PTPRT: variants seen among roughly 807,000 people sequenced by gnomAD.
PTPRT encodes the protein protein tyrosine phosphatase receptor type T, also known as receptor-type tyrosine-protein phosphatase T.
Under a neutral mutation model 176.8 loss-of-function variants are expected in PTPRT, and 56 were observed. The ratio of observed to expected loss-of-function variants is 0.32; its 90% CI spans 0.26 to 0.40. The LOEUF is 0.40. PTPRT is among the 10% of genes least tolerant of loss of function. The probability of loss-of-function intolerance (pLI) is 1.00; values close to 1 mark genes in which losing one functional copy is unlikely to be tolerated. For synonymous variants in PTPRT, 783 were observed against 739.0 expected (o/e 1.06, Z -0.96); for missense variants, 1,540 against 1,908.2 (o/e 0.81, Z 3.60).
At chr20:43,132,574 A>C (rs1002163794) in intron 1 of PTPRT, among the ~76,000 whole-genome samples, 3 of 152,212 alleles carry the variant, frequency 2.0e-5, no homozygotes, top group Non-Finnish European at 4.4e-5. Flanking sequence ...ATATGACTCC[A>C]AAGTTCATCT....
intron 9 of PTPRT, among the ~76,000 whole-genome samples, chr20:42,431,314 C>T (rs1265153238): frequency 3.9e-5 from 6 of 152,060 alleles, no homozygotes; most frequent in Non-Finnish European, 5.9e-5. Flanking sequence ...TTCTTTCCAC[C>T]ATGATGCAAT....
rs529182066 is a variant in PTPRT at position 42,541,927 on chromosome 20, T to C, written c.1154-69365A>G. On this transcript the variant is annotated intron_variant, in intron 7 of 30. Coordinates refer to ENST00000373187, the MANE Select transcript of PTPRT (RefSeq NM_007050.6). ...GCTGTGTCCCCACCCAAATCTCCTC[T>C]TGAATTATAGCTCCCATAATCCCCA... 2.6e-4 allele frequency among the ~76,000 whole-genome samples: 40 copies of C among 152,210 alleles called. 1 individual carries two copies. The South Asian group carries it at 7.5e-3, about 28-fold the overall frequency.
At chr20:43,169,702 A>C (rs2014948037) in intron 1 of PTPRT, among the ~76,000 whole-genome samples, 1 of 151,914 alleles carries the variant, frequency 6.6e-6, no homozygotes, top group Admixed American at 6.5e-5. Context: ...ACCGTAAACC[A>C]ATATCCCTCC....
chr20:42,385,458 G>A (rs1210619165), intron 9 of PTPRT, among the ~76,000 whole-genome samples: 1 of 152,138 alleles, frequency 6.6e-6, no homozygotes, highest in African/African-American at 2.4e-5. Context: ...TGGGTAGAGG[G>A]AGGACATGAT....
At chr20:43,061,087 A>G (rs76442581) in intron 1 of PTPRT, among the ~76,000 whole-genome samples, 5 of 149,914 alleles carry the variant, frequency 3.3e-5, no homozygotes, top group Admixed American at 2.0e-4. Context: ...CGGATAAATG[A>G]ATGGATGGAT....
At chr20:42,110,141 G>A (rs898559682) in intron 23 of PTPRT, among the ~76,000 whole-genome samples, 192 bp downstream of exon 23, 2 of 151,698 alleles carry the variant, frequency 1.3e-5, no homozygotes, top group Admixed American at 6.6e-5. Flanking sequence ...CCCGCTCCTG[G>A]GTTCAAGCGA....
At chr20:42,168,607 A>G (rs1265248114) in intron 16 of PTPRT, among the ~76,000 whole-genome samples, 1 of 152,236 alleles carries the variant, frequency 6.6e-6, no homozygotes, top group Admixed American at 6.5e-5. Context: ...GAAGATATAT[A>G]TTTCAACTGC....
chr20:42,446,871 T>A (rs966249254), intron 9 of PTPRT, among the ~76,000 whole-genome samples: 1 of 152,214 alleles, frequency 6.6e-6, no homozygotes, highest in South Asian at 2.1e-4. Flanking sequence ...CCTCCTTCCA[T>A]CTGGTAATCC....
At chr20:42,326,723 T>C (rs1003142972) in intron 11 of PTPRT, among the ~76,000 whole-genome samples, 2 of 152,116 alleles carry the variant, frequency 1.3e-5, no homozygotes, top group East Asian at 1.9e-4. Context: ...TGTGCTGAAC[T>C]GAAGATGAAT....
chr20:42,277,914 A>G (rs2057069769), intron 13 of PTPRT, among the ~76,000 whole-genome samples: 1 of 149,922 alleles, frequency 6.7e-6, no homozygotes, highest in African/African-American at 2.5e-5. Flanking sequence ...CCATCCATCC[A>G]TCCATCCATC....
intron 13 of PTPRT, among the ~76,000 whole-genome samples, chr20:42,272,799 A>G (rs1244408168): frequency 6.6e-6 from 1 of 151,894 alleles, no homozygotes; most frequent in Non-Finnish European, 1.5e-5. Flanking sequence ...TCCTAACCTC[A>G]TCTGGTCACA....
At chr20:43,075,920 G>A (rs1434873887) in intron 1 of PTPRT, among the ~76,000 whole-genome samples, 1 of 152,158 alleles carries the variant, frequency 6.6e-6, no homozygotes, top group East Asian at 1.9e-4. Flanking sequence ...AGGTTTCAAA[G>A]GGTCGAAACC....
At chr20:42,464,692 T>A (rs1220032311) in intron 8 of PTPRT, among the ~76,000 whole-genome samples, 1 of 152,230 alleles carries the variant, frequency 6.6e-6, no homozygotes, top group Non-Finnish European at 1.5e-5. Flanking sequence ...CCTTCAGGAC[T>A]CACTAAGGTG....
chr20:42,594,119 G>A (rs748251823), intron 7 of PTPRT, among the ~76,000 whole-genome samples: 13 of 152,138 alleles, frequency 8.5e-5, no homozygotes, highest in Non-Finnish European at 1.3e-4. Context: ...AGGAGTATCC[G>A]GAGACCAACG....
At chr20:42,551,948 A>C (rs952896007) in intron 7 of PTPRT, among the ~76,000 whole-genome samples, 1 of 152,134 alleles carries the variant, frequency 6.6e-6, no homozygotes, top group Non-Finnish European at 1.5e-5. Context: ...TCAAACTTTC[A>C]TTACCACCTA....
intron 6 of PTPRT, among the ~76,000 whole-genome samples, chr20:42,696,466 T>TTA (rs2075880216): frequency 6.6e-6 from 1 of 151,472 alleles, no homozygotes; most frequent in Admixed American, 6.6e-5. Flanking sequence ...TTATTTTTTT[T>TTA]TTTTTTTGAG....
At chr20:42,109,176 A>G (rs1055961691) in intron 23 of PTPRT, among the ~76,000 whole-genome samples, 1 of 152,214 alleles carries the variant, frequency 6.6e-6, no homozygotes, top group African/African-American at 2.4e-5. Flanking sequence ...CTGTATGAGG[A>G]CGGGGCTGGC....
intron 11 of PTPRT, among the ~76,000 whole-genome samples, chr20:42,333,625 C>T (rs890840895): frequency 6.6e-6 from 1 of 151,966 alleles, no homozygotes; most frequent in African/African-American, 2.4e-5. Context: ...AACCACTGCG[C>T]CCAGCCAGGC....
At chr20:43,038,570 T>C (rs888894026) in intron 1 of PTPRT, among the ~76,000 whole-genome samples, 1 of 152,204 alleles carries the variant, frequency 6.6e-6, no homozygotes, top group African/African-American at 2.4e-5. Flanking sequence ...ATATCTGCTA[T>C]GATTATTTAA....
Sources: gnomAD v4.1 joint callset for allele counts (sites outside exome capture counted in the v4.1 genomes callset) on GRCh38, gnomAD v4.1.1 for gene constraint, MANE v1.5 for transcripts, NCBI Gene and HGNC (gene_info 2026-07-23, HGNC 2026-07-21) for gene names.